Variants in ZZEF1 observed in about 807,000 individuals in gnomAD.
ZZEF1 encodes zinc finger ZZ-type and EF-hand domain containing 1.
In ZZEF1, 157 loss-of-function variants were observed where a neutral mutation model predicts 342.8. That is an observed-to-expected ratio of 0.46 (90% CI 0.40 to 0.52). The LOEUF (loss-of-function observed/expected upper bound fraction) is 0.52. Among genes scored for constraint, ZZEF1 ranks in the 20% least tolerant of loss-of-function variants. The probability of loss-of-function intolerance (pLI) is 0.00; values close to 1 mark genes in which losing one functional copy is unlikely to be tolerated. For missense variants in ZZEF1, 3,480 were observed against 3,725.6 expected, an observed-to-expected ratio of 0.93 and a Z score of 1.72; for synonymous variants, 1,505 against 1,429.1, an observed-to-expected ratio of 1.05 and a Z score of -1.20.
At chr17:4,120,163 C>G (rs1159395001) in intron 2 of ZZEF1, among the ~76,000 whole-genome samples, 1 of 151,976 alleles carries the variant, frequency 6.6e-6, no homozygotes, top group Non-Finnish European at 1.5e-5. Context: ...CCAAGAGCAG[C>G]CTGGCCAACA....
At chr17:4,060,244 T>C (rs1437243210) in intron 30 of ZZEF1, among the ~76,000 whole-genome samples, 1 of 152,254 alleles carries the variant, frequency 6.6e-6, no homozygotes, top group African/African-American at 2.4e-5. Flanking sequence ...TTCAGTAGAC[T>C]GGCTTTCTCA....
intron 43 of ZZEF1, among the ~76,000 whole-genome samples, chr17:4,023,599 G>C (rs555096668): frequency 6.9e-6 from 1 of 144,364 alleles, no homozygotes; most frequent in Admixed American, 7.5e-5. Context: ...GTGGAAGGAT[G>C]GCTCAAGGTC....
chr17:4,075,026 C>G (rs1325284636), intron 23 of ZZEF1, 71 bp downstream of exon 23: 1 of 1,480,908 alleles, frequency 6.8e-7, no homozygotes, highest in Non-Finnish European at 9.4e-7. Context: ...ACCTCTACTG[C>G]CCCCTGAAGG....
chr17:4,102,444 T>A (rs368426316), intron 8 of ZZEF1, 29 bp from the exon 9 acceptor site: 6 of 1,591,482 alleles, frequency 3.8e-6, no homozygotes, highest in African/African-American at 1.3e-5. Context: ...GACCAAGCTG[T>A]AAGCTAAAAT....
At chr17:4,024,185 G>GTTTTTTTTT (rs1491483468) in intron 43 of ZZEF1, among the ~76,000 whole-genome samples, 10 of 83,976 alleles carry the variant, frequency 1.2e-4, no homozygotes, top group African/African-American at 7.1e-4. Context: ...ATATTGCCCA[G>GTTTTTTTTT]GTTTTTTTTT....
chr17:4,115,604 G>T (rs562836425), intron 3 of ZZEF1, among the ~76,000 whole-genome samples: 6 of 152,192 alleles, frequency 3.9e-5, no homozygotes, highest in African/African-American at 1.4e-4. Flanking sequence ...TGAAGGTTTC[G>T]GTGAGCCGGG....
intron 37 of ZZEF1, among the ~76,000 whole-genome samples, chr17:4,048,299 T>C (rs1300201967): frequency 6.6e-6 from 1 of 152,196 alleles, no homozygotes; most frequent in Admixed American, 6.5e-5. Flanking sequence ...TCTGGCTGAA[T>C]GGAAATAATA....
intron 1 of ZZEF1, among the ~76,000 whole-genome samples, chr17:4,140,834 C>T (rs1173985594): frequency 6.6e-6 from 1 of 151,408 alleles, no homozygotes; most frequent in Non-Finnish European, 1.5e-5. Context: ...TCATAATACG[C>T]GTAGATACTA....
chr17:4,085,568 C>T, intron 16 of ZZEF1, 102 bp downstream of exon 16: 1 of 1,429,062 alleles, frequency 7.0e-7, no homozygotes, highest in Non-Finnish European at 9.6e-7. Context: ...TAATACACAT[C>T]TGGGACGTTG....
At chr17:4,037,301 C>T (rs1490609258) in intron 39 of ZZEF1, among the ~76,000 whole-genome samples, 2 of 152,160 alleles carry the variant, frequency 1.3e-5, no homozygotes, top group Admixed American at 6.5e-5. Flanking sequence ...TCAAAGTAAA[C>T]ATGATCAGTA....
chr17:4,009,256 C>A, intron 53 of ZZEF1: 1 of 559,228 alleles, frequency 1.8e-6, no homozygotes, highest in Admixed American at 3.1e-5. Context: ...CCTTTCAGCT[C>A]CCACATTCAA....
intron 8 of ZZEF1, among the ~76,000 whole-genome samples, chr17:4,104,130 T>C (rs2058171575): frequency 6.6e-6 from 1 of 152,134 alleles, no homozygotes; most frequent in Admixed American, 6.5e-5. Context: ...GAATTACTGC[T>C]AGGCCCAAGG....
intron 34 of ZZEF1, 27 bp downstream of exon 34, chr17:4,054,030 A>G (rs1258396793): frequency 6.3e-7 from 1 of 1,585,732 alleles, no homozygotes; most frequent in Non-Finnish European, 8.6e-7. Context: ...GCCTTTGGAT[A>G]CGGCGTACCC....
rs2058268315 is a variant in ZZEF1, at chr17:4,109,822, C to G, written c.1108G>C (p.Asp370His). The G allele has an allele frequency of 1.2e-6, 2 of 1,614,058 alleles. No homozygotes were observed. The highest frequency in any genetic ancestry group is 2.2e-5 in the East Asian group (1 of 44,904). ...NIKRCLSDGC[D>H]TRIHGLRAVG... The stretch of plus-strand genomic sequence containing the variant: ...GCCCTGAGACCATGAATTCTAGTGT[C>G]GCAGCCATCGCTAAGACAACGCTTT... Residue 370 changes from aspartate (D) to histidine (H), a missense_variant, in exon 6 of 55, where the codon GAC (aspartate) becomes CAC (histidine). By Grantham distance (81) the Asp-to-His change is moderately conservative. Transcript: ENST00000381638.
chr17:4,027,440 G>A (rs886289494), intron 42 of ZZEF1, among the ~76,000 whole-genome samples: 9 of 151,350 alleles, frequency 5.9e-5, no homozygotes, highest in African/African-American at 9.7e-5. Context: ...GATTACAGGC[G>A]CACACCACCA....
intron 2 of ZZEF1, among the ~76,000 whole-genome samples, chr17:4,122,277 C>T (rs541201286): frequency 2.0e-5 from 3 of 152,218 alleles, no homozygotes; most frequent in South Asian, 2.1e-4. Flanking sequence ...ACACAATTGT[C>T]TTCTCACTAG....
intron 42 of ZZEF1, among the ~76,000 whole-genome samples, chr17:4,031,925 A>G (rs946291416): frequency 6.6e-6 from 1 of 152,194 alleles, no homozygotes; most frequent in South Asian, 2.1e-4. Context: ...ACAAAAAGAC[A>G]GCATGGAAAG....
In ZZEF1 at chr17:4,050,684, G is replaced by C. The variant is rs898362047; in HGVS notation, c.5863+97C>G. On this transcript the variant is annotated intron_variant, in intron 36 of 54. Coordinates refer to ENST00000381638, the MANE Select transcript of ZZEF1 (RefSeq NM_015113.4). ...CCCCTTTTGTGGAAAAGTGGATGTTGCCACCTGTAAACTAAGCTTAGTATT... is the reference window on the plus strand; with the variant it reads ...CCCCTTTTGTGGAAAAGTGGATGTTCCCACCTGTAAACTAAGCTTAGTATT... 387 of 1,552,158 alleles carry C rather than the reference G, an allele frequency of 2.5e-4. 4 individuals are homozygous for C. The East Asian group carries it at 8.6e-3, about 34-fold the overall frequency.
At chr17:4,048,407 G>T (rs556343584) in intron 37 of ZZEF1, among the ~76,000 whole-genome samples, 1 of 152,272 alleles carries the variant, frequency 6.6e-6, no homozygotes, top group East Asian at 1.9e-4. Context: ...GGGAATCCTT[G>T]AACTAGCAAC....
Sources: gnomAD v4.1 joint callset for allele counts (sites outside exome capture counted in the v4.1 genomes callset) on GRCh38, gnomAD v4.1.1 for gene constraint, MANE v1.5 for transcripts, NCBI Gene and HGNC (gene_info 2026-07-23, HGNC 2026-07-21) for gene names.